DLGAP1: variants seen among roughly 807,000 people sequenced by gnomAD.
The protein encoded by DLGAP1 is disks large-associated protein 1.
A neutral mutation model predicts 90.8 loss-of-function variants in DLGAP1; 11 were observed. That is an observed-to-expected ratio of 0.12 (90% CI 0.08 to 0.20). The LOEUF is 0.20. Among genes scored for constraint, DLGAP1 ranks in the 10% least tolerant of loss-of-function variants. DLGAP1 has a pLI of 1.00. For missense variants in DLGAP1, 1,050 were observed against 1,333.8 expected (o/e 0.79, Z 3.31); for synonymous variants, 558 against 540.7 (o/e 1.03, Z -0.44).
At chr18:4,037,069 G>A (rs1207450640) in intron 2 of DLGAP1, among the ~76,000 whole-genome samples, 1 of 152,142 alleles carries the variant, frequency 6.6e-6, no homozygotes, top group Non-Finnish European at 1.5e-5. Context: ...CTCATTGATT[G>A]TGAGAAGTGA....
chr18:3,588,097 G>A (rs2055999545), intron 7 of DLGAP1, among the ~76,000 whole-genome samples: 1 of 152,208 alleles, frequency 6.6e-6, no homozygotes, highest in Non-Finnish European at 1.5e-5. Flanking sequence ...AGATTTCAGT[G>A]ACATTTTCAT....
chr18:3,750,241 T>G (rs2063443261), intron 5 of DLGAP1, among the ~76,000 whole-genome samples: 1 of 152,256 alleles, frequency 6.6e-6, no homozygotes. Context: ...TTTTGTTTCC[T>G]GCGTTAATTT....
At chr18:4,094,717 C>T (rs2143797770) in intron 2 of DLGAP1, among the ~76,000 whole-genome samples, 1 of 151,398 alleles carries the variant, frequency 6.6e-6, no homozygotes, top group East Asian at 1.9e-4. Context: ...CCTGCCTCAA[C>T]CTCCCAAGTA....
chr18:4,060,567 A>G (rs1260356018), intron 2 of DLGAP1, among the ~76,000 whole-genome samples: 1 of 152,194 alleles, frequency 6.6e-6, no homozygotes, highest in African/African-American at 2.4e-5. Context: ...ACTGAGCAAT[A>G]TCTTGAGGAA....
chr18:3,850,487 A>C (rs2069276226), intron 4 of DLGAP1, among the ~76,000 whole-genome samples: 1 of 152,170 alleles, frequency 6.6e-6, no homozygotes, highest in Non-Finnish European at 1.5e-5. Context: ...TTTTCTTTTT[A>C]AAAAGAGGAC....
chr18:3,742,997 C>A (rs1302957853), intron 5 of DLGAP1, among the ~76,000 whole-genome samples: 1 of 151,202 alleles, frequency 6.6e-6, no homozygotes, highest in East Asian at 1.9e-4. Context: ...TTCCTTCCAT[C>A]TTTAACTCTC....
chr18:4,197,753 T>C (rs1414542064), intron 1 of DLGAP1, among the ~76,000 whole-genome samples: 3 of 152,052 alleles, frequency 2.0e-5, no homozygotes, highest in African/African-American at 7.2e-5. Context: ...ATGCAAACCT[T>C]TAGGAATCAT....
At chr18:3,527,412 T>TTG (rs2051705158) in intron 10 of DLGAP1, among the ~76,000 whole-genome samples, 1 of 2,258 alleles carries the variant, frequency 4.4e-4, no homozygotes, top group African/African-American at 8.9e-4. Flanking sequence ...TTTCCAAACT[T>TTG]TTTTTTTTTT....
chr18:3,808,970 T>C (rs2066697378), intron 5 of DLGAP1, among the ~76,000 whole-genome samples: 2 of 152,224 alleles, frequency 1.3e-5, no homozygotes, highest in African/African-American at 4.8e-5. Flanking sequence ...TTACCAATAC[T>C]ACTTCCTTTT....
At chr18:4,299,815 C>T (rs909244149) in intron 1 of DLGAP1, among the ~76,000 whole-genome samples, 4 of 152,058 alleles carry the variant, frequency 2.6e-5, no homozygotes, top group East Asian at 3.9e-4. Context: ...TCATCATCTA[C>T]AGTATGATGT....
At chr18:3,676,243 G>C (rs2060294523) in intron 7 of DLGAP1, among the ~76,000 whole-genome samples, 1 of 152,162 alleles carries the variant, frequency 6.6e-6, no homozygotes, top group Non-Finnish European at 1.5e-5. Flanking sequence ...TTAGGGTGGG[G>C]CAACCAGCCT....
chr18:3,954,045 TTG>T (rs1273617392), intron 3 of DLGAP1, among the ~76,000 whole-genome samples: 10 of 152,214 alleles, frequency 6.6e-5, no homozygotes, highest in African/African-American at 2.4e-4. Flanking sequence ...ATTTCATCAC[TTG>T]CTTTTAATAT....
intron 2 of DLGAP1, among the ~76,000 whole-genome samples, chr18:4,112,633 G>C (rs1195956000): frequency 1.3e-5 from 2 of 152,194 alleles, no homozygotes; most frequent in African/African-American, 4.8e-5. Context: ...TTTTATCTTA[G>C]ATTTAGGGTA....
In DLGAP1 at chr18:3,733,451, G is replaced by A. The variant is rs2062520014; in HGVS notation, c.1351-4076C>T. 2.6e-5 allele frequency among the ~76,000 whole-genome samples: 4 copies of A among 152,286 alleles called. 1 individual carries two copies. The South Asian group carries it at 8.3e-4, about 32-fold the overall frequency. On this transcript the variant is annotated intron_variant, in intron 6 of 12. Coordinates refer to ENST00000315677, the MANE Select transcript of DLGAP1 (RefSeq NM_004746.4). ...TCTCGAGATTCTGGGTAGGTGCTCA[G>A]CCATGCAATTACAAGGGTAAACAAC... is the stretch of plus-strand genomic sequence containing the variant.
intron 1 of DLGAP1, among the ~76,000 whole-genome samples, chr18:4,232,800 T>G (rs539987513): frequency 1.7e-4 from 26 of 152,220 alleles, no homozygotes; most frequent in Admixed American, 3.3e-4. Context: ...AAGCTAGCTT[T>G]CCCTGGAGCA....
chr18:3,893,484 T>C (rs1228065936), intron 3 of DLGAP1, among the ~76,000 whole-genome samples: 1 of 151,612 alleles, frequency 6.6e-6, no homozygotes, highest in Non-Finnish European at 1.5e-5. Flanking sequence ...GAGGCTGAGG[T>C]AGGAGAATCG....
intron 1 of DLGAP1, among the ~76,000 whole-genome samples, chr18:4,348,400 A>ATGTGTATTTGTGTGTGTGTGTGTGTGTG (rs71368742): frequency 7.5e-6 from 1 of 133,488 alleles, no homozygotes; most frequent in African/African-American, 3.1e-5. Flanking sequence ...GAACTCAGGA[A>ATGTGTATTTGTGTGTGTGTGTGTGTGTG]TGTGTGTGTG....
intron 7 of DLGAP1, among the ~76,000 whole-genome samples, chr18:3,715,495 C>G (rs944625723): frequency 1.3e-5 from 2 of 152,164 alleles, no homozygotes; most frequent in Non-Finnish European, 2.9e-5. Flanking sequence ...TCTTAATCCT[C>G]TTTTAGCGTA....
At chr18:3,873,324 A>C (rs905732322) in intron 4 of DLGAP1, among the ~76,000 whole-genome samples, 1 of 152,198 alleles carries the variant, frequency 6.6e-6, no homozygotes, top group Non-Finnish European at 1.5e-5. Context: ...ATCTCTACCA[A>C]GATCAGTGAA....
Sources: allele counts gnomAD v4.1 joint callset (sites outside exome capture counted in the v4.1 genomes callset), GRCh38; gene constraint gnomAD v4.1.1; transcripts MANE v1.5; gene names NCBI Gene and HGNC (gene_info 2026-07-23, HGNC 2026-07-21).